Variants in ST3GAL3 observed in about 807,000 individuals in gnomAD.
ST3GAL3 encodes ST3 beta-galactoside alpha-2,3-sialyltransferase 3.
A neutral mutation model predicts 50.1 loss-of-function variants in ST3GAL3; 21 were observed. The observed-to-expected ratio is 0.42, with a 90% CI of 0.30 to 0.60. The LOEUF (loss-of-function observed/expected upper bound fraction) is 0.60, where lower values mean the gene tolerates loss of function less well. Ranked by LOEUF, ST3GAL3 falls within the 20% of genes least tolerant of loss-of-function variation. The probability of loss-of-function intolerance (pLI) is 0.19; values close to 1 mark genes in which losing one functional copy is unlikely to be tolerated. For missense variants in ST3GAL3, 353 were observed against 489.4 expected (o/e 0.72, Z 2.63); for synonymous variants, 183 against 190.0 (o/e 0.96, Z 0.30).
At chr1:43,856,128 G>A (rs527355281) in intron 5 of ST3GAL3, among the ~76,000 whole-genome samples, 1 of 152,238 alleles carries the variant, frequency 6.6e-6, no homozygotes, top group African/African-American at 2.4e-5. Context: ...AGCCACAGTG[G>A]GTCACTACTG....
rs942631314 is a variant in ST3GAL3 at position 43,790,695 on chromosome 1, G to A, written c.119-1407G>A. ...TCACCAGGCTGGAGTCCAGTGGCAT[G>A]ATGTCGGCTCACTGCAACCTCCGCC... On this transcript the variant is annotated intron_variant, in intron 2 of 11. Transcript: ENST00000347631. Among the ~76,000 whole-genome samples, 4 of 148,060 alleles carry A rather than the reference G, an allele frequency of 2.7e-5. 1 individual carries two copies. Among genetic ancestry groups the A allele is most frequent in the South Asian group, 4.3e-4 (2 of 4,672 alleles).
At chr1:43,806,617 A>T (rs1275325117) in intron 3 of ST3GAL3, among the ~76,000 whole-genome samples, 1 of 152,230 alleles carries the variant, frequency 6.6e-6, no homozygotes, top group Non-Finnish European at 1.5e-5. Context: ...TTTGAGCTAG[A>T]GGTAACTGTG....
chr1:43,826,480 T>A (rs895342551), intron 4 of ST3GAL3, among the ~76,000 whole-genome samples: 7 of 152,192 alleles, frequency 4.6e-5, no homozygotes. Flanking sequence ...GTTTCACTGG[T>A]GGATTCTATC....
intron 4 of ST3GAL3, among the ~76,000 whole-genome samples, chr1:43,831,267 T>TA (rs2063503634): frequency 6.6e-6 from 1 of 152,220 alleles, no homozygotes; most frequent in Non-Finnish European, 1.5e-5. Context: ...AAATAATACT[T>TA]ACCTTAGAGT....
At chr1:43,892,351 G>A (rs1447226673) in intron 5 of ST3GAL3, among the ~76,000 whole-genome samples, 3 of 151,964 alleles carry the variant, frequency 2.0e-5, no homozygotes, top group South Asian at 2.1e-4. Flanking sequence ...TCAACCCCCC[G>A]AGCTCAAGTG....
At chr1:43,791,935 C>G (rs1345589005) in intron 2 of ST3GAL3, among the ~76,000 whole-genome samples, 167 bp from the exon 3 acceptor site, 1 of 152,182 alleles carries the variant, frequency 6.6e-6, no homozygotes, top group African/African-American at 2.4e-5. Context: ...TGGGCAGGGT[C>G]TCCTGGCTCA....
At chr1:43,838,598 G>A (rs1356598225) in intron 5 of ST3GAL3, 1 of 401,484 alleles carries the variant, frequency 2.5e-6, no homozygotes, top group Admixed American at 3.6e-5. Flanking sequence ...GAGGCAGCCA[G>A]AGAAGGCTGC....
At chr1:43,861,549 C>A (rs951780753) in intron 5 of ST3GAL3, among the ~76,000 whole-genome samples, 4 of 152,140 alleles carry the variant, frequency 2.6e-5, no homozygotes, top group African/African-American at 9.7e-5. Context: ...ACACAGGATG[C>A]AACCGATGAC....
intron 5 of ST3GAL3, among the ~76,000 whole-genome samples, chr1:43,843,225 C>T (rs1214883405): frequency 1.3e-5 from 2 of 152,110 alleles, no homozygotes; most frequent in Non-Finnish European, 2.9e-5. Context: ...TTCATAGATA[C>T]CATTTTTTAG....
At chr1:43,837,024 T>C (rs2064457156) in intron 4 of ST3GAL3, among the ~76,000 whole-genome samples, 1 of 152,142 alleles carries the variant, frequency 6.6e-6, no homozygotes, top group Non-Finnish European at 1.5e-5. Context: ...TTTTGTTCCT[T>C]AAGAAAGTTT....
chr1:43,811,637 G>A (rs2060573265), intron 3 of ST3GAL3, among the ~76,000 whole-genome samples: 1 of 152,184 alleles, frequency 6.6e-6, no homozygotes, highest in South Asian at 2.1e-4. Context: ...CACAGATTCT[G>A]GGAGTGCAGG....
intron 11 of ST3GAL3, among the ~76,000 whole-genome samples, chr1:43,929,762 C>G (rs1357046161): frequency 6.6e-6 from 1 of 152,202 alleles, no homozygotes; most frequent in Non-Finnish European, 1.5e-5. Context: ...TTCAGTGACT[C>G]ACACTGCCTG....
intron 4 of ST3GAL3, among the ~76,000 whole-genome samples, chr1:43,820,407 G>A (rs2061947161): frequency 6.6e-6 from 1 of 152,046 alleles, no homozygotes; most frequent in Non-Finnish European, 1.5e-5. Context: ...AGAATTTATG[G>A]CTAAGTCACC....
At chr1:43,733,092 T>C (rs1676642378) in intron 1 of ST3GAL3, among the ~76,000 whole-genome samples, 1 of 151,650 alleles carries the variant, frequency 6.6e-6, no homozygotes, top group Non-Finnish European at 1.5e-5. Context: ...TGAGGCGGGC[T>C]CAAGCAATCT....
intron 4 of ST3GAL3, among the ~76,000 whole-genome samples, chr1:43,828,012 A>G (rs1286798854): frequency 6.6e-6 from 1 of 152,252 alleles, no homozygotes. Flanking sequence ...CAATAAAGCT[A>G]TCAAGATACA....
chr1:43,927,909 C>T (rs146906947), intron 11 of ST3GAL3, among the ~76,000 whole-genome samples: 195 of 152,242 alleles, frequency 1.3e-3, no homozygotes, highest in African/African-American at 4.4e-3. Flanking sequence ...AGGGAAGAAA[C>T]GGTCACCACT....
intron 2 of ST3GAL3, among the ~76,000 whole-genome samples, chr1:43,784,791 C>T (rs374800370): frequency 1.3e-5 from 2 of 152,304 alleles, no homozygotes; most frequent in South Asian, 2.1e-4. Context: ...AATTGTTGTA[C>T]AGAAATTGTT....
At chr1:43,917,622 T>TA (rs1491412020) in intron 9 of ST3GAL3, among the ~76,000 whole-genome samples, 1 of 72,996 alleles carries the variant, frequency 1.4e-5, no homozygotes, top group Admixed American at 2.6e-4. Flanking sequence ...ATATATTATA[T>TA]TATATATAAT....
intron 4 of ST3GAL3, among the ~76,000 whole-genome samples, chr1:43,822,983 C>CTGTA (rs1187857302): frequency 6.6e-6 from 1 of 152,206 alleles, no homozygotes; most frequent in Non-Finnish European, 1.5e-5. Context: ...ACATCAAATA[C>CTGTA]TGTAGCATCA....
Sources: gnomAD v4.1 joint callset for allele counts (sites outside exome capture counted in the v4.1 genomes callset) on GRCh38, gnomAD v4.1.1 for gene constraint, MANE v1.5 for transcripts, NCBI Gene and HGNC (gene_info 2026-07-23, HGNC 2026-07-21) for gene names.